The following GRIA4 variants were observed in gnomAD, a reference collection of about 807,000 sequenced individuals.
The protein encoded by GRIA4 is glutamate receptor 4.
A neutral mutation model predicts 104.0 loss-of-function variants in GRIA4; 34 were observed. The observed-to-expected ratio is 0.33, with a 90% CI of 0.25 to 0.44. GRIA4 has a LOEUF of 0.44. GRIA4 is among the 20% of genes least tolerant of loss of function. The pLI is 1.00. For synonymous variants in GRIA4, 386 were observed against 381.9 expected (o/e 1.01, Z -0.13); for missense variants, 750 against 1,096.5 (o/e 0.68, Z 4.46).
At chr11:105,668,782 G>T (rs1378562976) in intron 3 of GRIA4, among the ~76,000 whole-genome samples, 4 of 148,602 alleles carry the variant, frequency 2.7e-5, no homozygotes, top group Non-Finnish European at 5.9e-5. Flanking sequence ...TCACTCTACT[G>T]ATTTCTTTGC....
chr11:105,909,947 T>A (rs1427298258), intron 9 of GRIA4, among the ~76,000 whole-genome samples: 2 of 152,206 alleles, frequency 1.3e-5, no homozygotes, highest in Non-Finnish European at 2.9e-5. Context: ...CTAGGTTATA[T>A]CAAACCCAAA....
intron 5 of GRIA4, among the ~76,000 whole-genome samples, chr11:105,871,056 G>C (rs535257468): frequency 2.0e-5 from 3 of 152,006 alleles, no homozygotes; most frequent in Non-Finnish European, 4.4e-5. Context: ...GCCTGTTATA[G>C]GTCAGGCCAG....
intron 3 of GRIA4, among the ~76,000 whole-genome samples, chr11:105,619,440 T>A (rs1950685443): frequency 1.3e-5 from 2 of 151,956 alleles, no homozygotes; most frequent in South Asian, 2.1e-4. Flanking sequence ...ATTTATATTT[T>A]AAATTTATAT....
At chr11:105,810,109 C>T (rs374920276) in intron 4 of GRIA4, among the ~76,000 whole-genome samples, 23 of 152,242 alleles carry the variant, frequency 1.5e-4, no homozygotes, top group African/African-American at 5.5e-4. Context: ...GATTGGGAAG[C>T]CTTTCATTTT....
chr11:105,948,883 G>T (rs1230372907), intron 14 of GRIA4, among the ~76,000 whole-genome samples: 1 of 151,924 alleles, frequency 6.6e-6, no homozygotes, highest in Non-Finnish European at 1.5e-5. Context: ...GAGCCACCAC[G>T]CCTGGCCAAC....
rs185387704 is a variant in GRIA4 at position 105,639,235 on chromosome 11, G to A, written c.247+26801G>A. Among the ~76,000 whole-genome samples the A allele has an allele frequency of 2.5e-3, 383 of 152,186 alleles. 3 individuals carry two copies. Among genetic ancestry groups the A allele is most frequent in the Non-Finnish European group, 3.5e-3 (240 of 67,954 alleles). On this transcript the variant is annotated intron_variant, in intron 3 of 16. Coordinates refer to ENST00000282499, the MANE Select transcript of GRIA4 (RefSeq NM_000829.4). Reference sequence around the variant, plus strand: ...CATTTCTGCATTCATTAAGTTCACTGATTTACTTTTGGGATAAAAGTAGAA... The same window carrying A: ...CATTTCTGCATTCATTAAGTTCACTAATTTACTTTTGGGATAAAAGTAGAA...
intron 13 of GRIA4, among the ~76,000 whole-genome samples, chr11:105,931,291 C>T (rs2136206907): frequency 6.6e-6 from 1 of 152,006 alleles, no homozygotes; most frequent in African/African-American, 2.4e-5. Flanking sequence ...CACACACACA[C>T]ACACACACAC....
At chr11:105,677,233 T>G (rs1219013517) in intron 3 of GRIA4, among the ~76,000 whole-genome samples, 1 of 151,846 alleles carries the variant, frequency 6.6e-6, no homozygotes, top group East Asian at 1.9e-4. Context: ...CAAAGTACGT[T>G]TGCACAATCT....
intron 4 of GRIA4, among the ~76,000 whole-genome samples, chr11:105,803,844 C>CAAAA (rs537440632): frequency 7.5e-5 from 6 of 80,536 alleles, no homozygotes; most frequent in African/African-American, 1.6e-4. Flanking sequence ...GGTGCTATAC[C>CAAAA]AAAAAAAAAA....
chr11:105,612,058 G>C (rs1167293554), intron 2 of GRIA4, among the ~76,000 whole-genome samples: 2 of 152,134 alleles, frequency 1.3e-5, no homozygotes, highest in Non-Finnish European at 2.9e-5. Context: ...AGAGGTCATT[G>C]TGAGCAAGAC....
At chr11:105,962,122 T>A (rs1028578750) in intron 14 of GRIA4, among the ~76,000 whole-genome samples, 21 of 152,178 alleles carry the variant, frequency 1.4e-4, no homozygotes, top group Non-Finnish European at 2.9e-4. Context: ...AGGTTGACAT[T>A]TTATCAGATA....
At position 105,716,604 on chromosome 11, in the gene GRIA4, C is replaced by T. The variant is rs1209339452; in HGVS notation, c.248-36377C>T. ...GTTTTGCAGAGACTCCTAAGCTACA[C>T]ATCATCACTGTACAGAAAACTCTAT... is the stretch of plus-strand genomic sequence containing the variant. On this transcript the variant is annotated intron_variant, in intron 3 of 16. Transcript: ENST00000282499. Among the ~76,000 whole-genome samples the T allele has an allele frequency of 2.0e-5, 3 of 152,134 alleles. No homozygotes were observed. In the East Asian group the frequency reaches 5.8e-4, roughly 29 times the overall value.
At chr11:105,936,816 T>C (rs1948053927) in intron 14 of GRIA4, among the ~76,000 whole-genome samples, 1 of 152,198 alleles carries the variant, frequency 6.6e-6, no homozygotes, top group South Asian at 2.1e-4. Flanking sequence ...CAATGGTGAC[T>C]AGCACCTGTC....
intron 13 of GRIA4, among the ~76,000 whole-genome samples, chr11:105,933,249 C>A (rs12577871): frequency 0.09 from 13,565 of 151,382 alleles, 791 homozygotes; most frequent in Admixed American, 0.18. Context: ...CTCCAAAAAA[C>A]TCTAAAAAAA....
chr11:105,733,376 A>G (rs1938724383), intron 3 of GRIA4, among the ~76,000 whole-genome samples: 1 of 152,098 alleles, frequency 6.6e-6, no homozygotes, highest in Non-Finnish European at 1.5e-5. Context: ...CATAATATGG[A>G]ATTGTTGGGA....
intron 3 of GRIA4, among the ~76,000 whole-genome samples, chr11:105,736,097 A>C (rs1938920440): frequency 6.6e-6 from 1 of 152,168 alleles, no homozygotes; most frequent in Admixed American, 6.6e-5. Context: ...ACAAATACTC[A>C]GATATAAAGA....
chr11:105,715,959 G>A (rs1954076034), intron 3 of GRIA4, among the ~76,000 whole-genome samples: 1 of 152,156 alleles, frequency 6.6e-6, no homozygotes, highest in Admixed American at 6.5e-5. Flanking sequence ...TCACTCAGCT[G>A]CAACTAATTG....
At chr11:105,730,560 G>A (rs1321917027) in intron 3 of GRIA4, among the ~76,000 whole-genome samples, 1 of 152,114 alleles carries the variant, frequency 6.6e-6, no homozygotes, top group East Asian at 1.9e-4. Context: ...AAAAGAGCCT[G>A]TATAGCCAAG....
At position 105,905,848 on chromosome 11, in the gene GRIA4, T is replaced by A. The variant is rs772620579; in HGVS notation, c.1158+547T>A. ...TGTTCAGGAAGGTGCTGGTGCTAGG[T>A]TCCTGGATTTGGGAAGATAATTATC... On this transcript the variant is annotated intron_variant, in intron 9 of 16. Transcript: ENST00000282499. Among the ~76,000 whole-genome samples, 51 of 152,186 alleles carry A rather than the reference T, an allele frequency of 3.4e-4. 1 individual carries two copies. The highest frequency in any genetic ancestry group is 3.0e-3 in the Admixed American group (46 of 15,286).
Sources: gnomAD v4.1 joint callset for allele counts (sites outside exome capture counted in the v4.1 genomes callset) on GRCh38, gnomAD v4.1.1 for gene constraint, MANE v1.5 for transcripts, NCBI Gene and HGNC (gene_info 2026-07-23, HGNC 2026-07-21) for gene names.